HPF1: variants seen among roughly 807,000 people sequenced by gnomAD.
The protein encoded by HPF1 is UPF0609 protein C4orf27.
A neutral mutation model predicts 38.8 loss-of-function variants in HPF1; 35 were observed. The ratio of observed to expected loss-of-function variants is 0.90; its 90% CI spans 0.69 to 1.19. The LOEUF is 1.19. HPF1 is among the 50% of genes most tolerant of loss of function. The probability of loss-of-function intolerance (pLI) is 0.00; values close to 1 mark genes in which losing one functional copy is unlikely to be tolerated. For synonymous variants in HPF1, 115 were observed against 139.2 expected (o/e 0.83, Z 1.22); for missense variants, 367 against 405.8 (o/e 0.90, Z 0.82).
chr4:169,756,395 T>G (rs1009893569), intron 1 of HPF1, among the ~76,000 whole-genome samples: 3 of 152,256 alleles, frequency 2.0e-5, no homozygotes, highest in Non-Finnish European at 2.9e-5. Flanking sequence ...TATGAAGTCC[T>G]GAGCTATCCT....
intron 4 of HPF1, among the ~76,000 whole-genome samples, chr4:169,746,601 T>A (rs1047977837): frequency 4.6e-5 from 7 of 152,094 alleles, no homozygotes; most frequent in Non-Finnish European, 1.0e-4. Flanking sequence ...GATTTAATAA[T>A]AACTAAAGAT....
At chr4:169,756,369 TAG>T (rs1734188402) in intron 1 of HPF1, among the ~76,000 whole-genome samples, 1 of 152,210 alleles carries the variant, frequency 6.6e-6, no homozygotes, top group Non-Finnish European at 1.5e-5. Flanking sequence ...ACATCAAATA[TAG>T]AACAGTAGGA....
chr4:169,737,655 A>G lies in HPF1; in HGVS notation c.736+5T>C. The G allele has an allele frequency of 1.3e-6, 2 of 1,545,374 alleles. No homozygotes were observed. Among genetic ancestry groups the G allele is most frequent in the Non-Finnish European group, 1.8e-6 (2 of 1,117,532 alleles). On this transcript the variant is annotated splice_donor_5th_base_variant and intron_variant, in intron 6 of 7. Coordinates refer to ENST00000393381, the MANE Select transcript of HPF1 (RefSeq NM_017867.3). Reference sequence around the variant, plus strand: ...TATGCACATGTTTACTATGAAATACATTACCATCTGTTTCAGGGAGCTCTC... The same window carrying G: ...TATGCACATGTTTACTATGAAATACGTTACCATCTGTTTCAGGGAGCTCTC...
chr4:169,747,024 A>G (rs1354733865), intron 4 of HPF1, among the ~76,000 whole-genome samples: 1 of 151,422 alleles, frequency 6.6e-6, no homozygotes, highest in Non-Finnish European at 1.5e-5. Flanking sequence ...TAATAACACA[A>G]ATGAAAAGTT....
intron 6 of HPF1, among the ~76,000 whole-genome samples, chr4:169,736,189 G>A (rs1443925199): frequency 1.3e-5 from 2 of 151,322 alleles, no homozygotes; most frequent in Non-Finnish European, 2.9e-5. Flanking sequence ...GACCAGCATC[G>A]GCAACAGAGT....
In HPF1 at chr4:169,748,360, G is replaced by C. The variant is rs921686204; in HGVS notation, c.497+384C>G. On this transcript the variant is annotated intron_variant, in intron 4 of 7. Transcript: ENST00000393381. The stretch of plus-strand genomic sequence containing the variant: ...TCTAGAAATCTACAATTATGGGCTT[G>C]TCTCAAATCCGCTTTGTTTTTTTTT... Among the ~76,000 whole-genome samples, 5 of 151,800 alleles carry C rather than the reference G, an allele frequency of 3.3e-5. No individual in the cohort carries two copies. In the South Asian group the frequency reaches 6.2e-4, roughly 19 times the overall value.
In HPF1 at chr4:169,742,070, T is replaced by C; in HGVS notation, c.535A>G (p.Lys179Glu). 1 of 1,611,410 alleles carries C rather than the reference T, an allele frequency of 6.2e-7. No homozygotes were observed. The highest frequency in any genetic ancestry group is 8.5e-7 in the Non-Finnish European group (1 of 1,177,854). The change falls in exon 5 of 8, where the codon AAA becomes GAA. Residue 179 changes from lysine to glutamate, a missense_variant. Transcript: ENST00000393381. ...TTTTTCAAGAGATTGATTTTCTTTT[T>C]ATCCGTTATTTCTCTAAGTTTTTTC... ...LTKKLREITD[K>E]KKINLLKNID...
intron 4 of HPF1, among the ~76,000 whole-genome samples, chr4:169,748,465 T>C (rs6840896): frequency 0.062 from 9,459 of 151,994 alleles, 990 homozygotes; most frequent in African/African-American, 0.22. Flanking sequence ...CCGCCTCCTG[T>C]GTTCAAGCAA....
chr4:169,744,637 A>G (rs1734023032), intron 4 of HPF1, among the ~76,000 whole-genome samples: 1 of 152,244 alleles, frequency 6.6e-6, no homozygotes, highest in Admixed American at 6.5e-5. Flanking sequence ...AATTCATTAC[A>G]TAACATTATG....
At position 169,742,876 on chromosome 4, in the gene HPF1, G is replaced by A. The variant is rs142915032; in HGVS notation, c.498-769C>T. 4.8e-3 allele frequency among the ~76,000 whole-genome samples: 723 copies of A among 151,952 alleles called. 3 individuals carry two copies. Among genetic ancestry groups the A allele is most frequent in the Middle Eastern group, 0.01 (3 of 294 alleles). ...AGTACTTTTGGAAGCCGAGGTGGGCGGATCACTCAAGGTCAGGAGTTGGAG... is the reference window on the plus strand; with the variant it reads ...AGTACTTTTGGAAGCCGAGGTGGGCAGATCACTCAAGGTCAGGAGTTGGAG... On this transcript the variant is annotated intron_variant, in intron 4 of 7. Coordinates refer to ENST00000393381, the MANE Select transcript of HPF1 (RefSeq NM_017867.3).
At chr4:169,735,730 A>G (rs1733883291) in intron 6 of HPF1, among the ~76,000 whole-genome samples, 1 of 152,152 alleles carries the variant, frequency 6.6e-6, no homozygotes, top group South Asian at 2.1e-4. Flanking sequence ...GTGAGCAGAG[A>G]CATGAAGAGA....
At chr4:169,742,649 G>T (rs866828290) in intron 4 of HPF1, among the ~76,000 whole-genome samples, 1 of 152,266 alleles carries the variant, frequency 6.6e-6, no homozygotes, top group African/African-American at 2.4e-5. Context: ...AAAATTAGCC[G>T]GGCGTGATGG....
chr4:169,737,836 C>A (rs1197233490), intron 5 of HPF1, 89 bp from the exon 6 acceptor site: 3 of 812,602 alleles, frequency 3.7e-6, no homozygotes, highest in South Asian at 1.5e-5. Context: ...AACATTTCTG[C>A]CAAAATGTAA....
chr4:169,751,866 T>C (rs1182612084), intron 2 of HPF1, among the ~76,000 whole-genome samples: 1 of 152,188 alleles, frequency 6.6e-6, no homozygotes, highest in Non-Finnish European at 1.5e-5. Flanking sequence ...AATAGTCTAT[T>C]ATACAGTAAC....
chr4:169,738,589 A>G (rs1204289097), intron 5 of HPF1, among the ~76,000 whole-genome samples: 3 of 152,042 alleles, frequency 2.0e-5, no homozygotes, highest in African/African-American at 7.2e-5. Context: ...TAATCTCCCT[A>G]TTCTCCCAGT....
intron 3 of HPF1, among the ~76,000 whole-genome samples, chr4:169,749,720 C>CAAAAAAAAAAAAAAAA (rs11413826): frequency 1.6e-5 from 2 of 127,310 alleles, no homozygotes; most frequent in African/African-American, 3.0e-5. Context: ...TACTCAAATA[C>CAAAAAAAAAAAAAAAA]AAAAAAAAAA....
intron 5 of HPF1, among the ~76,000 whole-genome samples, chr4:169,739,676 A>C (rs1733941230): frequency 6.6e-6 from 1 of 152,218 alleles, no homozygotes; most frequent in South Asian, 2.1e-4. Flanking sequence ...TAAGTATGAG[A>C]ATAAAGGTAT....
At chr4:169,740,181 T>C (rs919469266) in intron 5 of HPF1, among the ~76,000 whole-genome samples, 3 of 152,152 alleles carry the variant, frequency 2.0e-5, no homozygotes, top group African/African-American at 7.2e-5. Flanking sequence ...AAAGGTGAAG[T>C]GGCAGAGAGC....
intron 2 of HPF1, among the ~76,000 whole-genome samples, chr4:169,750,943 C>G (rs1261523442): frequency 1.3e-5 from 2 of 152,164 alleles, no homozygotes; most frequent in Non-Finnish European, 1.5e-5. Flanking sequence ...CTTAAATTTA[C>G]CACTGAATTA....
Sources: allele counts gnomAD v4.1 joint callset (sites outside exome capture counted in the v4.1 genomes callset), GRCh38; gene constraint gnomAD v4.1.1; transcripts MANE v1.5; gene names NCBI Gene and HGNC (gene_info 2026-07-23, HGNC 2026-07-21).